CDH12: variants seen among roughly 807,000 people sequenced by gnomAD.
CDH12 encodes cadherin-12.
A neutral mutation model predicts 74.1 loss-of-function variants in CDH12; 41 were observed. The ratio of observed to expected loss-of-function variants is 0.55; its 90% CI spans 0.43 to 0.72. The LOEUF (loss-of-function observed/expected upper bound fraction) is 0.72, where lower values mean the gene tolerates loss of function less well. Ranked by LOEUF, CDH12 falls within the 30% of genes least tolerant of loss-of-function variation. CDH12 has a pLI of 0.00. For synonymous variants in CDH12, 399 were observed against 355.0 expected (o/e 1.12, Z -1.39); for missense variants, 945 against 977.2 (o/e 0.97, Z 0.44).
intron 3 of CDH12, among the ~76,000 whole-genome samples, chr5:22,395,527 C>G (rs1742417388): frequency 6.6e-6 from 1 of 152,082 alleles, no homozygotes; most frequent in African/African-American, 2.4e-5. Context: ...TGATATTAGG[C>G]TCTGTTTCTC....
chr5:22,839,544 A>G (rs1170414988), intron 1 of CDH12, among the ~76,000 whole-genome samples: 3 of 151,928 alleles, frequency 2.0e-5, no homozygotes, highest in Non-Finnish European at 4.4e-5. Context: ...TTTAGTAGAG[A>G]CAGGGTTTCA....
chr5:22,072,035 C>T (rs774711978), intron 5 of CDH12, among the ~76,000 whole-genome samples: 2 of 151,856 alleles, frequency 1.3e-5, no homozygotes, highest in Non-Finnish European at 2.9e-5. Context: ...TCTAATTTCC[C>T]ATTTCCTTCA....
chr5:22,524,452 T>A (rs1279532298), intron 1 of CDH12, among the ~76,000 whole-genome samples: 1 of 152,354 alleles, frequency 6.6e-6, no homozygotes, highest in African/African-American at 2.4e-5. Context: ...TGTCTCATTG[T>A]CTAATATACC....
chr5:22,448,066 T>C (rs184400148), intron 2 of CDH12, among the ~76,000 whole-genome samples: 1 of 147,456 alleles, frequency 6.8e-6, no homozygotes, highest in East Asian at 2.0e-4. Context: ...AGTGAGAGGA[T>C]TGCTTGAGCC....
intron 4 of CDH12, among the ~76,000 whole-genome samples, chr5:22,165,513 T>TACACACAC (rs375658781): frequency 1.9e-5 from 1 of 53,784 alleles, no homozygotes; most frequent in Non-Finnish European, 4.9e-5. Context: ...CACACACACA[T>TACACACAC]ACACACACAC....
chr5:22,780,962 A>G (rs1410437420), intron 1 of CDH12, among the ~76,000 whole-genome samples: 1 of 152,154 alleles, frequency 6.6e-6, no homozygotes, highest in Non-Finnish European at 1.5e-5. Flanking sequence ...TACTGGAGGA[A>G]AAGCAAACAC....
intron 1 of CDH12, among the ~76,000 whole-genome samples, chr5:22,537,470 G>A (rs1489235011): frequency 3.9e-5 from 6 of 152,100 alleles, no homozygotes; most frequent in African/African-American, 9.7e-5. Flanking sequence ...TAAATCCAAA[G>A]GGCATCAGCC....
intron 5 of CDH12, among the ~76,000 whole-genome samples, chr5:22,025,159 T>C (rs985143428): frequency 5.3e-5 from 8 of 152,142 alleles, no homozygotes; most frequent in African/African-American, 1.9e-4. Flanking sequence ...ATTCTCAGAA[T>C]ATAGAATTTA....
chr5:22,424,451 G>T (rs1743805724), intron 2 of CDH12, among the ~76,000 whole-genome samples: 1 of 152,178 alleles, frequency 6.6e-6, no homozygotes, highest in Non-Finnish European at 1.5e-5. Context: ...AAGGCAGCCA[G>T]CCTCAACTGA....
intron 1 of CDH12, among the ~76,000 whole-genome samples, chr5:22,704,705 T>C (rs1742894526): frequency 6.6e-6 from 1 of 152,108 alleles, no homozygotes; most frequent in Non-Finnish European, 1.5e-5. Context: ...ATTGATAAGA[T>C]TATCTACATC....
intron 1 of CDH12, among the ~76,000 whole-genome samples, chr5:22,512,022 A>G (rs1433847286): frequency 1.4e-4 from 21 of 152,024 alleles, no homozygotes; most frequent in Admixed American, 1.4e-3. Context: ...TAGAAAAGGT[A>G]GTTCAAGGTT....
chr5:22,231,367 T>G (rs759702620), intron 3 of CDH12, among the ~76,000 whole-genome samples: 5 of 151,876 alleles, frequency 3.3e-5, no homozygotes, highest in Admixed American at 3.3e-4. Context: ...TAACTATGGT[T>G]TTCTTAATTA....
intron 6 of CDH12, among the ~76,000 whole-genome samples, chr5:21,873,875 G>GTATTTGGTTTTCTGCTCCTGCT (rs1554039784): frequency 1.3e-3 from 1 of 780 alleles, no homozygotes; most frequent in African/African-American, 1.5e-3. Context: ...AGAACATGCG[G>GTATTTGGTTTTCTGCTCCTGCT]TTACTTTTCT....
chr5:22,425,712 A>G (rs906364718), intron 2 of CDH12, among the ~76,000 whole-genome samples: 2 of 151,966 alleles, frequency 1.3e-5, no homozygotes, highest in African/African-American at 4.8e-5. Flanking sequence ...ATATATAAAA[A>G]TCAAAATAAA....
chr5:22,235,239 T>C (rs1290208001), intron 3 of CDH12, among the ~76,000 whole-genome samples: 1 of 152,118 alleles, frequency 6.6e-6, no homozygotes, highest in Non-Finnish European at 1.5e-5. Context: ...GAATATCATG[T>C]GATAATATAT....
intron 3 of CDH12, among the ~76,000 whole-genome samples, chr5:22,359,004 G>C (rs1313921709): frequency 1.3e-5 from 2 of 152,124 alleles, no homozygotes; most frequent in Admixed American, 6.6e-5. Context: ...ATCAATGCTA[G>C]GAAGAAACTG....
chr5:22,651,609 A>G (rs72637733), intron 1 of CDH12, among the ~76,000 whole-genome samples: 10,247 of 152,040 alleles, frequency 0.067, 883 homozygotes, highest in East Asian at 0.44. Flanking sequence ...CCCTTGACAC[A>G]TGGGGATTAT....
At chr5:22,778,901 T>C (rs1421730034) in intron 1 of CDH12, among the ~76,000 whole-genome samples, 1 of 152,062 alleles carries the variant, frequency 6.6e-6, no homozygotes, top group African/African-American at 2.4e-5. Flanking sequence ...GTTGAGTGGC[T>C]TTTAAACTAC....
intron 1 of CDH12, among the ~76,000 whole-genome samples, chr5:22,584,143 A>C (rs1285679539): frequency 1.3e-5 from 2 of 151,502 alleles, no homozygotes; most frequent in Non-Finnish European, 2.9e-5. Flanking sequence ...CTCTGTCGCC[A>C]GGCTGGAGTG....
Sources: allele counts gnomAD v4.1 joint callset (sites outside exome capture counted in the v4.1 genomes callset), GRCh38; gene constraint gnomAD v4.1.1; transcripts MANE v1.5; gene names NCBI Gene and HGNC (gene_info 2026-07-23, HGNC 2026-07-21).